Variants in CARHSP1 observed in about 807,000 individuals in gnomAD.
CARHSP1 encodes calcium-regulated heat-stable protein 1.
In CARHSP1, 14 loss-of-function variants were observed where a neutral mutation model predicts 12.5. The observed-to-expected ratio is 1.12, with a 90% CI of 0.74 to 1.75. The LOEUF is 1.75. CARHSP1 is among the 40% of genes most tolerant of loss of function. The probability of loss-of-function intolerance (pLI) is 0.00; values close to 1 mark genes in which losing one functional copy is unlikely to be tolerated. For missense variants in CARHSP1, 343 were observed against 201.6 expected (o/e 1.70, Z -4.25); for synonymous variants, 161 against 82.0 (o/e 1.96, Z -5.20).
At chr16:8,862,584 A>G (rs975424161) in intron 1 of CARHSP1, among the ~76,000 whole-genome samples, 3 of 152,192 alleles carry the variant, frequency 2.0e-5, no homozygotes, top group African/African-American at 4.8e-5. Context: ...GGGTGGGAAT[A>G]CACACGCTAA....
chr16:8,859,580 A>C (rs1378942257), intron 1 of CARHSP1, among the ~76,000 whole-genome samples: 1 of 151,910 alleles, frequency 6.6e-6, no homozygotes, highest in Non-Finnish European at 1.5e-5. Flanking sequence ...CCCCATGACC[A>C]GGATGGCATC....
Position 8,858,705 on chromosome 16 carries a change from TGGAAAGA to T in CARHSP1, c.159-240_159-234del. 5.6e-6 allele frequency: 3 copies of T among 537,512 alleles called. No individual in the cohort carries two copies. In the South Asian group the frequency reaches 7.8e-5, roughly 14 times the overall value. 33.3% of individuals were successfully genotyped at this position (537,512 alleles called of 1,614,324 possible). ...ATTTTCTCGGGCCTGTTTTCCCTCC[TGGAAAGA>T]GGGAGTTGAACTAAAACATCACTGA... On this transcript the variant is annotated intron_variant, in intron 2 of 3. Coordinates refer to ENST00000311052, the MANE Select transcript of CARHSP1 (RefSeq NM_014316.4).
rs1317128562 is a variant in CARHSP1 at position 8,854,951 on chromosome 16, A to G, written c.*213T>C. ...CTTTTAATGCTCTTCAGATGGTGAG[A>G]GGTTGTTGCAATGGTCATAGGCTGT... On this transcript the variant is annotated 3_prime_UTR_variant, in exon 4 of 4. Coordinates refer to ENST00000311052, the MANE Select transcript of CARHSP1 (RefSeq NM_014316.4). 3 of 404,110 alleles carry G rather than the reference A, an allele frequency of 7.4e-6. No homozygotes were observed. Among genetic ancestry groups the G allele is most frequent in the Non-Finnish European group, 1.3e-5 (3 of 228,978 alleles). The allele number at this position is 404,110 out of a possible 1,614,324, so 25.0% of individuals were successfully genotyped here.
At chr16:8,856,692 G>A (rs550618301) in intron 3 of CARHSP1, among the ~76,000 whole-genome samples, 3 of 152,170 alleles carry the variant, frequency 2.0e-5, no homozygotes, top group South Asian at 2.1e-4. Flanking sequence ...TGTGGTTTCC[G>A]TGTTAGCGGG....
At chr16:8,865,195 C>A (rs978066123) in intron 1 of CARHSP1, among the ~76,000 whole-genome samples, 1 of 152,148 alleles carries the variant, frequency 6.6e-6, no homozygotes, top group South Asian at 2.1e-4. Context: ...TGCAGACCCC[C>A]GCCCCCCAGG....
intron 1 of CARHSP1, among the ~76,000 whole-genome samples, chr16:8,863,727 G>C (rs539191129): frequency 6.6e-6 from 1 of 152,164 alleles, no homozygotes; most frequent in Admixed American, 6.5e-5. Flanking sequence ...GCCTCAGTGC[G>C]GGGGAGGGCC....
intron 2 of CARHSP1, chr16:8,858,755 A>C (rs1004296835): frequency 4.1e-5 from 19 of 464,182 alleles, no homozygotes; most frequent in Non-Finnish European, 6.5e-5. Context: ...TCCAGAAACT[A>C]ATGATTTACT....
At chr16:8,856,648 C>T (rs2061121273) in intron 3 of CARHSP1, among the ~76,000 whole-genome samples, 1 of 152,190 alleles carries the variant, frequency 6.6e-6, no homozygotes. Context: ...GGAGGGGTAA[C>T]TCCCCCATTG....
chr16:8,859,380 G>C (rs1406045208), intron 1 of CARHSP1, 45 bp from the exon 2 acceptor site: 3 of 1,545,900 alleles, frequency 1.9e-6, no homozygotes, highest in Non-Finnish European at 1.7e-6. Context: ...TTGCAAGGTA[G>C]GGACCCTGTG....
Position 8,868,995 on chromosome 16 carries a change from T to A in CARHSP1, c.-37A>T, listed in dbSNP as rs1037502566. 3.3e-5 allele frequency: 5 copies of A among 151,618 alleles called. No homozygotes were observed. The highest frequency in any genetic ancestry group is 7.4e-5 in the Non-Finnish European group (5 of 67,926). 9.4% of individuals were successfully genotyped at this position (151,618 alleles called of 1,614,324 possible). On this transcript the variant is annotated 5_prime_UTR_variant, in exon 1 of 4. It adds an upstream start codon to the 5' untranslated region. Coordinates refer to ENST00000311052, the MANE Select transcript of CARHSP1 (RefSeq NM_014316.4). Reference sequence around the variant, plus strand: ...CAATCCGTTCTGCTCCGCCAGCCGCTTCGCTCCGACTGAGAGCGCGGAGCT... The same window carrying A: ...CAATCCGTTCTGCTCCGCCAGCCGCATCGCTCCGACTGAGAGCGCGGAGCT...
At position 8,859,159 on chromosome 16, in the gene CARHSP1, C is replaced by G; in HGVS notation, c.158+12G>C. 1 of 1,591,306 alleles carries G rather than the reference C, an allele frequency of 6.3e-7. No individual in the cohort carries two copies. Among genetic ancestry groups the G allele is most frequent in the South Asian group, 1.1e-5 (1 of 88,576 alleles). ...CATCTGAGAACGCGTCCCCAGCCTG[C>G]TCCAGACTCACGCCGAGAAGGTCCT... On this transcript the variant is annotated intron_variant, in intron 2 of 3. Coordinates refer to ENST00000311052, the MANE Select transcript of CARHSP1 (RefSeq NM_014316.4).
chr16:8,855,315 T>TC lies in CARHSP1; in HGVS notation c.292dup (p.Glu98GlyfsTer13). 6.2e-7 allele frequency: 1 copy of TC among 1,601,932 alleles called. No homozygotes were observed. Among genetic ancestry groups the TC allele is most frequent in the Non-Finnish European group, 8.5e-7 (1 of 1,172,796 alleles). Reference sequence around the variant, plus strand: ...CTCGTCGCCTTCCACTGGGACATACTCCCCTTCCACACTACGGGGGCATAA... The same window carrying TC: ...CTCGTCGCCTTCCACTGGGACATACTCCCCCTTCCACACTACGGGGGCATAA... On this transcript the variant is annotated frameshift_variant, in exon 4 of 4. Transcript: ENST00000311052. LOFTEE classifies it high-confidence loss of function.
At chr16:8,864,218 G>T (rs574289683) in intron 1 of CARHSP1, among the ~76,000 whole-genome samples, 1 of 152,300 alleles carries the variant, frequency 6.6e-6, no homozygotes, top group Admixed American at 6.5e-5. Flanking sequence ...GCCCACACAT[G>T]GCTGTCTCTG....
At chr16:8,860,087 G>C (rs2231704) in intron 1 of CARHSP1, 69,890 of 962,376 alleles carry the variant, frequency 0.073, 2,713 homozygotes, top group Non-Finnish European at 0.08. Flanking sequence ...CCACAGGGAA[G>C]CAGGGGCAAA....
At chr16:8,866,037 T>C (rs1480597106) in intron 1 of CARHSP1, among the ~76,000 whole-genome samples, 1 of 152,166 alleles carries the variant, frequency 6.6e-6, no homozygotes, top group Non-Finnish European at 1.5e-5. Context: ...CACTGCAGCC[T>C]CAACCTCCTG....
intron 2 of CARHSP1, chr16:8,858,766 A>C (rs190554200): frequency 4.4e-6 from 2 of 454,930 alleles, no homozygotes; most frequent in Non-Finnish European, 7.8e-6. Context: ...ATGATTTACT[A>C]TTAATAACAC....
chr16:8,861,849 G>A (rs2061365063), intron 1 of CARHSP1: 1 of 1,191,078 alleles, frequency 8.4e-7, no homozygotes, highest in African/African-American at 1.6e-5. Flanking sequence ...GCTGGCCCTG[G>A]GAGGGGAGGG....
At chr16:8,856,443 C>T (rs1286441714) in intron 3 of CARHSP1, among the ~76,000 whole-genome samples, 2 of 152,202 alleles carry the variant, frequency 1.3e-5, no homozygotes, top group Admixed American at 6.5e-5. Context: ...CCAGACATCA[C>T]AATATTTCCA....
At chr16:8,858,562 C>T in intron 2 of CARHSP1, 90 bp from the exon 3 acceptor site, 1 of 1,517,674 alleles carries the variant, frequency 6.6e-7, no homozygotes, top group Non-Finnish European at 8.9e-7. Flanking sequence ...TGTGCCCCAT[C>T]AAGCCCTGGC....
Sources: gnomAD v4.1 joint callset for allele counts (sites outside exome capture counted in the v4.1 genomes callset) on GRCh38, gnomAD v4.1.1 for gene constraint, MANE v1.5 for transcripts, NCBI Gene and HGNC (gene_info 2026-07-23, HGNC 2026-07-21) for gene names.